The following DOCK10 variants were observed in gnomAD, a reference collection of about 807,000 sequenced individuals.
DOCK10 encodes the protein dedicator of cytokinesis protein 10.
Under a neutral mutation model 280.1 loss-of-function variants are expected in DOCK10, and 145 were observed. The ratio of observed to expected loss-of-function variants is 0.52; its 90% confidence interval spans 0.45 to 0.59. The LOEUF (loss-of-function observed/expected upper bound fraction) is 0.59, where lower values mean the gene tolerates loss of function less well. Among genes scored for constraint, DOCK10 ranks in the 20% least tolerant of loss-of-function variants. The pLI is 0.00. For synonymous variants in DOCK10, 915 were observed against 942.2 expected (o/e 0.97, Z 0.53); for missense variants, 2,368 against 2,651.7 (o/e 0.89, Z 2.35).
chr2:224,997,170 T>A (rs1426028468), intron 1 of DOCK10, among the ~76,000 whole-genome samples: 1 of 152,126 alleles, frequency 6.6e-6, no homozygotes, highest in African/African-American at 2.4e-5. Flanking sequence ...AATTCAACAC[T>A]GCCTTTGGGG....
At chr2:224,995,716 T>A in intron 1 of DOCK10, among the ~76,000 whole-genome samples, 1 of 151,914 alleles carries the variant, frequency 6.6e-6, no homozygotes, top group African/African-American at 2.4e-5. Flanking sequence ...ATTGTGCAAA[T>A]CTCGGTACAT....
At chr2:224,785,372 T>C (rs1033699144) in intron 50 of DOCK10, among the ~76,000 whole-genome samples, 3 of 152,184 alleles carry the variant, frequency 2.0e-5, no homozygotes, top group African/African-American at 7.2e-5. Flanking sequence ...ATCCTGATAT[T>C]CCTGTGTCCT....
rs769479943 is a variant in DOCK10 at position 224,845,260 on chromosome 2, T to C, written c.2424A>G (p.Pro808=). The C allele has an allele frequency of 2.5e-6, 4 of 1,587,934 alleles. No homozygotes were observed. In the Admixed American group the frequency reaches 7.2e-5, roughly 28 times the overall value. The part of the protein sequence containing the change: ...DQIASQEYNI[P]IATSLPPNYL... ...AATTAGGAGGCAGACTTGTTGCTAT[T>C]GGGATGTTGTACTCTTGAGAAGCTA... The change falls in exon 21 of 56, where the codon CCA becomes CCG. Residue 808 remains proline, a synonymous_variant. Coordinates refer to ENST00000258390, the MANE Select transcript of DOCK10 (RefSeq NM_014689.3).
intron 1 of DOCK10, among the ~76,000 whole-genome samples, chr2:224,947,719 C>G (rs1283865944): frequency 1.3e-5 from 2 of 152,124 alleles, no homozygotes; most frequent in African/African-American, 4.8e-5. Context: ...CCCAGATGCT[C>G]TTTCCTGTTT....
chr2:224,912,290 T>G (rs891260120), intron 3 of DOCK10, among the ~76,000 whole-genome samples: 2 of 151,922 alleles, frequency 1.3e-5, no homozygotes, highest in African/African-American at 4.8e-5. Flanking sequence ...CATGTGCCAC[T>G]ACTCCCGGGT....
rs1310810967 is a variant in DOCK10, at chr2:224,856,826, T to G, written c.1808+34A>C. On this transcript the variant is annotated intron_variant, in intron 15 of 55. Transcript: ENST00000258390. ...GTGATAAAAAATCAACATGGCTGAT[T>G]TATGTTAATTTCGAGAGTATAAAAA... 6 of 1,550,616 alleles carry G rather than the reference T, an allele frequency of 3.9e-6. No individual in the cohort carries two copies. The Admixed American group carries it at 1.1e-4, about 29-fold the overall frequency.
chr2:224,895,841 GTA>G (rs71410338), intron 4 of DOCK10, among the ~76,000 whole-genome samples: 2,252 of 135,950 alleles, frequency 0.017, 39 homozygotes, highest in African/African-American at 0.061. Flanking sequence ...GCGTGTGTGT[GTA>G]TATATATATA....
intron 51 of DOCK10, among the ~76,000 whole-genome samples, chr2:224,776,980 G>A (rs1038953913): frequency 2.0e-5 from 3 of 152,180 alleles, no homozygotes; most frequent in Non-Finnish European, 2.9e-5. Context: ...TTAATTGGCT[G>A]TTTGCACAGG....
At chr2:224,966,151 G>C (rs1005167606) in intron 1 of DOCK10, among the ~76,000 whole-genome samples, 4 of 152,154 alleles carry the variant, frequency 2.6e-5, no homozygotes, top group African/African-American at 9.7e-5. Flanking sequence ...ACATTACAGA[G>C]TGTGCAGCCT....
chr2:225,024,725 TACAA>T (rs1405731427), intron 1 of DOCK10, among the ~76,000 whole-genome samples: 31 of 91,648 alleles, frequency 3.4e-4, no homozygotes, highest in African/African-American at 1.3e-3. Context: ...CTACTAAAAA[TACAA>T]AAAAAAAAAA....
intron 7 of DOCK10, among the ~76,000 whole-genome samples, chr2:224,879,622 G>A (rs1471042071): frequency 2.0e-5 from 3 of 152,132 alleles, no homozygotes; most frequent in South Asian, 4.1e-4. Context: ...GCTGGGCATG[G>A]TGGTGCATGC....
intron 42 of DOCK10, among the ~76,000 whole-genome samples, chr2:224,797,607 T>A (rs1692671348): frequency 6.6e-6 from 1 of 152,206 alleles, no homozygotes; most frequent in Non-Finnish European, 1.5e-5. Flanking sequence ...GGTGACCAGA[T>A]GCTAATTGTC....
rs375370127 is a variant in DOCK10 at position 224,770,661 on chromosome 2, T to C, written c.6205-16A>G. 4 of 1,586,016 alleles carry C rather than the reference T, an allele frequency of 2.5e-6. No homozygotes were observed. The highest frequency in any genetic ancestry group is 1.1e-5 in the South Asian group (1 of 90,470). The stretch of plus-strand genomic sequence containing the variant: ...CAGCATTAACCTGTTGAGAAGAAAA[T>C]TGGTGAAGGATGATCTACCTTCTGC... On this transcript the variant is annotated splice_polypyrimidine_tract_variant and intron_variant, in intron 53 of 55. Coordinates refer to ENST00000258390, the MANE Select transcript of DOCK10 (RefSeq NM_014689.3). This position sits in a 1 kb window ranked among gnomAD's most constrained non-coding sequence, Gnocchi z 4.5.
At chr2:224,991,429 T>C (rs1275142379) in intron 1 of DOCK10, among the ~76,000 whole-genome samples, 1 of 152,196 alleles carries the variant, frequency 6.6e-6, no homozygotes, top group Admixed American at 6.5e-5. Context: ...CTGGCATAAA[T>C]AGTAGGTGGT....
At chr2:224,992,852 C>G (rs1322305745) in intron 1 of DOCK10, among the ~76,000 whole-genome samples, 1 of 152,206 alleles carries the variant, frequency 6.6e-6, no homozygotes, top group Non-Finnish European at 1.5e-5. Flanking sequence ...TCTTCTAGGT[C>G]TAGGATTCTA....
At position 224,849,495 on chromosome 2, in the gene DOCK10, G is replaced by T. The variant is rs1473449752; in HGVS notation, c.2235+12C>A. ...TAGGAACCGCTGGGGGCAGTGGAGG[G>T]CTAGCTCTTACCTCATCTGAGAAAT... On this transcript the variant is annotated intron_variant, in intron 19 of 55. Coordinates refer to ENST00000258390, the MANE Select transcript of DOCK10 (RefSeq NM_014689.3). 4 of 1,596,024 alleles carry T rather than the reference G, an allele frequency of 2.5e-6. No individual in the cohort carries two copies. The highest frequency in any genetic ancestry group is 3.4e-6 in the Non-Finnish European group (4 of 1,167,772).
chr2:224,908,176 G>GTGTA (rs1220420587), intron 3 of DOCK10, among the ~76,000 whole-genome samples: 2 of 101,122 alleles, frequency 2.0e-5, no homozygotes, highest in African/African-American at 7.6e-5. Flanking sequence ...TTGTGTGTGT[G>GTGTA]TGTGTGTATG....
intron 11 of DOCK10, among the ~76,000 whole-genome samples, chr2:224,870,814 C>CTTTTTTTT (rs1559614196): frequency 2.8e-5 from 3 of 106,478 alleles, no homozygotes; most frequent in African/African-American, 1.1e-4. Flanking sequence ...ATGGCCACTC[C>CTTTTTTTT]ATTTTTTTTT....
At chr2:224,927,988 T>A (rs1050955558) in intron 2 of DOCK10, among the ~76,000 whole-genome samples, 1 of 152,132 alleles carries the variant, frequency 6.6e-6, no homozygotes, top group Non-Finnish European at 1.5e-5. Context: ...GGTCATTCTA[T>A]GACCACTTCA....
Sources: gnomAD v4.1 joint callset for allele counts (sites outside exome capture counted in the v4.1 genomes callset) on GRCh38, gnomAD v4.1.1 for gene constraint, Gnocchi (gnomAD v3.1) non-coding constraint, MANE v1.5 for transcripts, NCBI Gene and HGNC (gene_info 2026-07-23, HGNC 2026-07-21) for gene names.